Variants in CWC22 observed in about 807,000 individuals in gnomAD.
CWC22 encodes pre-mRNA-splicing factor CWC22 homolog.
CWC22 carries 53 observed loss-of-function variants against 117.2 expected under a neutral mutation model. The observed-to-expected ratio is 0.45, with a 90% CI of 0.36 to 0.57. The LOEUF (loss-of-function observed/expected upper bound fraction) is 0.57, where lower values mean the gene tolerates loss of function less well. Ranked by LOEUF, CWC22 falls within the 20% of genes least tolerant of loss-of-function variation. The pLI is 0.00. For missense variants in CWC22, 980 were observed against 1,068.8 expected (o/e 0.92, Z 1.16); for synonymous variants, 360 against 355.6 (o/e 1.01, Z -0.14).
intron 1 of CWC22, among the ~76,000 whole-genome samples, chr2:180,002,704 T>C (rs1427764920): frequency 1.3e-5 from 2 of 152,100 alleles, no homozygotes; most frequent in Admixed American, 6.5e-5. Flanking sequence ...GTTTGGGACA[T>C]ACAGAAAGAA....
In CWC22 at chr2:179,997,975, C is replaced by T. The variant is rs190246576; in HGVS notation, c.-113-4521G>A. On this transcript the variant is annotated intron_variant, in intron 1 of 19. Coordinates refer to ENST00000410053, the MANE Select transcript of CWC22 (RefSeq NM_020943.3). ...ACACAACTTGAATCAAGAAAAAATG[C>T]ATGACAGGAGAATTACTTGTACATA... Among the ~76,000 whole-genome samples the T allele has an allele frequency of 4.6e-5, 7 of 152,248 alleles. No individual in the cohort carries two copies. In the East Asian group the frequency reaches 1.2e-3, roughly 25 times the overall value.
chr2:179,997,803 T>G (rs1172260035), intron 1 of CWC22, among the ~76,000 whole-genome samples: 1 of 152,186 alleles, frequency 6.6e-6, no homozygotes, highest in Non-Finnish European at 1.5e-5. Flanking sequence ...CATGTGAAGC[T>G]TACATTCTAG....
intron 8 of CWC22, among the ~76,000 whole-genome samples, chr2:179,971,881 C>T (rs1272435436): frequency 6.6e-6 from 1 of 152,152 alleles, no homozygotes; most frequent in East Asian, 1.9e-4. Flanking sequence ...ATCAAAGACA[C>T]CCACTACTTC....
At chr2:180,004,377 CTTCT>C (rs1687918899) in intron 1 of CWC22, among the ~76,000 whole-genome samples, 1 of 152,080 alleles carries the variant, frequency 6.6e-6, no homozygotes, top group South Asian at 2.1e-4. Flanking sequence ...GGAGAGTTAA[CTTCT>C]TTTTTTCTTC....
Position 179,970,555 on chromosome 2 carries a change from T to C in CWC22, c.1156A>G (p.Lys386Glu). Reference sequence around the variant, plus strand: ...TTCTCCATAAAATTAGGATCCATCTTGAAAACATCTAAAAAAAATGTAAAA... The same window carrying C: ...TTCTCCATAAAATTAGGATCCATCTCGAAAACATCTAAAAAAAATGTAAAA... ...YNPEDVLNVF[K>E]MDPNFMENEE... is the part of the protein sequence containing the mutation. Residue 386 changes from lysine to glutamate, a missense_variant, in exon 11 of 20, where the codon AAG becomes GAG. Transcript: ENST00000410053. 1 of 1,548,810 alleles carries C rather than the reference T, an allele frequency of 6.5e-7. No homozygotes were observed. The highest frequency in any genetic ancestry group is 8.7e-7 in the Non-Finnish European group (1 of 1,145,100).
chr2:179,960,342 A>G (rs1686719998), intron 13 of CWC22, among the ~76,000 whole-genome samples: 1 of 152,036 alleles, frequency 6.6e-6, no homozygotes, highest in African/African-American at 2.4e-5. Flanking sequence ...TTCTACAATT[A>G]GTTGTTAAAT....
chr2:179,945,299 T>C lies in CWC22; in HGVS notation c.2557A>G (p.Lys853Glu). 1.2e-6 allele frequency: 2 copies of C among 1,613,720 alleles called. No individual in the cohort carries two copies. The highest frequency in any genetic ancestry group is 1.7e-4 in the Middle Eastern group (1 of 6,060). The change falls in exon 20 of 20, where the codon AAG becomes GAG. Residue 853 changes from lysine to glutamate, a missense_variant. Physicochemically the swap from Lys to Glu is moderately conservative, Grantham distance 56. Coordinates refer to ENST00000410053, the MANE Select transcript of CWC22 (RefSeq NM_020943.3). Reference sequence around the variant, plus strand: ...TGCTTTCTATTCATTTCCTTTGACTTTGATCTATCTTTTCTTCTGAAATTT... The same window carrying C: ...TGCTTTCTATTCATTTCCTTTGACTCTGATCTATCTTTTCTTCTGAAATTT... ...SENFRRKDRS[K>E]SKEMNRKHSG...
intron 7 of CWC22, among the ~76,000 whole-genome samples, 191 bp from the exon 8 acceptor site, chr2:179,973,437 G>A (rs1687080715): frequency 6.6e-6 from 1 of 152,176 alleles, no homozygotes; most frequent in Non-Finnish European, 1.5e-5. Context: ...TAGTTCTACA[G>A]TTATAGCCAT....
chr2:179,965,966 T>C lies in CWC22; in HGVS notation c.1227A>G (p.Gly409=). The C allele has an allele frequency of 6.2e-7, 1 of 1,610,870 alleles. No individual in the cohort carries two copies. Among genetic ancestry groups the C allele is most frequent in the Non-Finnish European group, 8.5e-7 (1 of 1,178,044 alleles). Residue 409 remains glycine (G), a synonymous_variant, in exon 12 of 20, where the codon GGA becomes GGG. Transcript: ENST00000410053. ...CCTGGTCTGTGTTCGAGTCAGTATC[T>C]CCCTCATCAAGAATTTCTGTAAAGT... ...KAIKKEILDE[G]DTDSNTDQDA...
rs148189010 is a variant in CWC22, at chr2:179,956,867, C to T, written c.1459-1833G>A. Among the ~76,000 whole-genome samples the T allele has an allele frequency of 1.2e-3, 189 of 151,866 alleles. 1 individual carries two copies. Among genetic ancestry groups the T allele is most frequent in the South Asian group, 3.7e-3 (18 of 4,820 alleles). On this transcript the variant is annotated intron_variant, in intron 14 of 19. Coordinates refer to ENST00000410053, the MANE Select transcript of CWC22 (RefSeq NM_020943.3). The stretch of plus-strand genomic sequence containing the variant: ...ACAAAACATGGTAATATGCTGATAG[C>T]ACTGCTATGCACTACTTGCAAAACA...
intron 13 of CWC22, 43 bp from the exon 14 acceptor site, chr2:179,959,125 CTG>C: frequency 1.8e-6 from 2 of 1,123,972 alleles, no homozygotes; most frequent in Non-Finnish European, 2.6e-6. Flanking sequence ...GCAACATAGA[CTG>C]TACACTCTTA....
chr2:179,980,843 A>G (rs1387335523), intron 5 of CWC22, among the ~76,000 whole-genome samples: 2 of 152,096 alleles, frequency 1.3e-5, no homozygotes, highest in African/African-American at 2.4e-5. Context: ...CTTCTATCCC[A>G]ATCTTTTAAC....
Position 179,945,330 on chromosome 2 carries a change from G to T in CWC22, c.2526C>A (p.Asp842Glu), listed in dbSNP as rs756361623. ...ENEKHTHRIKDSENFRRKDRS... is the reference protein window; with the variant it reads ...ENEKHTHRIKESENFRRKDRS... ...TATCTTTTCTTCTGAAATTTTCACTGTCTTTAATTCGGTGTGTATGCTTCT... is the reference window on the plus strand; with the variant it reads ...TATCTTTTCTTCTGAAATTTTCACTTTCTTTAATTCGGTGTGTATGCTTCT... The change falls in exon 20 of 20, where the codon GAC becomes GAA. Residue 842 changes from aspartate (D) to glutamate (E), a missense_variant. Coordinates refer to ENST00000410053, the MANE Select transcript of CWC22 (RefSeq NM_020943.3). 6 of 1,613,082 alleles carry T rather than the reference G, an allele frequency of 3.7e-6. No individual in the cohort carries two copies. Among genetic ancestry groups the T allele is most frequent in the African/African-American group, 2.7e-5 (2 of 74,786 alleles).
chr2:179,955,152 A>T (rs1686553301), intron 14 of CWC22, 118 bp from the exon 15 acceptor site: 1 of 699,638 alleles, frequency 1.4e-6, no homozygotes, highest in East Asian at 2.7e-5. Context: ...AACAGTTCAA[A>T]AATTTTGTAA....
intron 13 of CWC22, among the ~76,000 whole-genome samples, chr2:179,960,841 A>T (rs747433088): frequency 6.6e-6 from 1 of 152,048 alleles, no homozygotes; most frequent in Non-Finnish European, 1.5e-5. Context: ...GAAAAGTCCT[A>T]ATTGAGACAG....
At chr2:179,988,736 T>C (rs1483454308) in intron 2 of CWC22, 92 bp from the exon 3 acceptor site, 1 of 622,420 alleles carries the variant, frequency 1.6e-6, no homozygotes, top group Non-Finnish European at 2.8e-6. Flanking sequence ...GGAAGTACTT[T>C]AGAAATTGTA....
At chr2:180,006,571 A>G (rs1575663384) in intron 1 of CWC22, among the ~76,000 whole-genome samples, 1 of 152,220 alleles carries the variant, frequency 6.6e-6, no homozygotes, top group Admixed American at 6.5e-5. Flanking sequence ...AATTTAAAAC[A>G]AATAGTCAAA....
intron 7 of CWC22, 53 bp downstream of exon 7, chr2:179,973,581 G>T: frequency 8.8e-7 from 1 of 1,137,698 alleles, no homozygotes; most frequent in Non-Finnish European, 1.2e-6. Context: ...GTTGATACTG[G>T]TTTGTTAGTT....
At position 180,006,998 on chromosome 2, in the gene CWC22, AC is replaced by A. The variant is rs922348892; in HGVS notation, c.-246del. On this transcript the variant is annotated 5_prime_UTR_variant, in exon 1 of 20. Coordinates refer to ENST00000410053, the MANE Select transcript of CWC22 (RefSeq NM_020943.3). ...CACTCCTGGGGGTCTTTTACTTCCC[AC>A]CCGATCCGGCGACCCGCCACCCCCA... The A allele has an allele frequency of 2.0e-5, 3 of 151,544 alleles. No homozygotes were observed. The highest frequency in any genetic ancestry group is 7.3e-5 in the African/African-American group (3 of 41,164). The allele number at this position is 151,544 out of a possible 1,614,324, so 9.4% of individuals were successfully genotyped here.
Sources: allele counts gnomAD v4.1 joint callset (sites outside exome capture counted in the v4.1 genomes callset), GRCh38; gene constraint gnomAD v4.1.1; transcripts MANE v1.5; gene names NCBI Gene and HGNC (gene_info 2026-07-23, HGNC 2026-07-21).